Variants in IRAK1BP1 observed in about 807,000 individuals in gnomAD.
IRAK1BP1 encodes the protein interleukin-1 receptor-associated kinase 1-binding protein 1.
A neutral mutation model predicts 28.0 loss-of-function variants in IRAK1BP1; 24 were observed. That is an observed-to-expected ratio of 0.86 (90% CI 0.62 to 1.20). The LOEUF is 1.20. IRAK1BP1 is among the 50% of genes most tolerant of loss of function. The pLI is 0.00. For missense variants in IRAK1BP1, 336 were observed against 316.7 expected (o/e 1.06, Z -0.46); for synonymous variants, 131 against 116.3 (o/e 1.13, Z -0.81).
chr6:78,939,208 T>G (rs1020994333), intron 4 of IRAK1BP1: 1 of 151,784 alleles, frequency 6.6e-6, no homozygotes, highest in South Asian at 2.1e-4. Flanking sequence ...GCAGTACATA[T>G]AGCAATACAT....
chr6:78,874,244 G>C (rs1027122282), intron 1 of IRAK1BP1, among the ~76,000 whole-genome samples: 1 of 152,156 alleles, frequency 6.6e-6, no homozygotes, highest in Non-Finnish European at 1.5e-5. Flanking sequence ...CTTAGATATG[G>C]ATTTCTGTCC....
the IRAK1BP1 span, chr6:78,963,139 A>G: frequency 1.2e-6 from 2 of 1,608,612 alleles, no homozygotes; most frequent in Non-Finnish European, 1.7e-6. Context: ...ATTCTTTCAC[A>G]TTCTTCATCC....
rs778895991 is a variant in IRAK1BP1, at chr6:78,946,094, C to T, written c.*754C>T. 3.7e-6 allele frequency: 6 copies of T among 1,613,588 alleles called. No individual in the cohort carries two copies. In the South Asian group the frequency reaches 4.4e-5, roughly 12 times the overall value. On this transcript the variant is annotated 3_prime_UTR_variant and NMD_transcript_variant, in exon 5 of 5. Transcript: ENST00000606868. ...GGTTGCTCAGTGACAACTGGATCTACAACCACTCGGTTGCTTCTGGTTCGA... is the reference window on the plus strand; with the variant it reads ...GGTTGCTCAGTGACAACTGGATCTATAACCACTCGGTTGCTTCTGGTTCGA...
chr6:78,945,204 G>A (rs2127681476), intron 4 of IRAK1BP1: 1 of 904,234 alleles, frequency 1.1e-6, no homozygotes, highest in East Asian at 2.4e-5. Flanking sequence ...CTTTTAAGTG[G>A]GCAACCTGAA....
chr6:78,970,360 A>G, the IRAK1BP1 span, among the ~76,000 whole-genome samples: 1 of 152,128 alleles, frequency 6.6e-6, no homozygotes. Flanking sequence ...AGTTACAATG[A>G]AATTTTTAAA....
chr6:78,882,035 A>T (rs1443870951), intron 1 of IRAK1BP1, among the ~76,000 whole-genome samples: 1 of 152,160 alleles, frequency 6.6e-6, no homozygotes, highest in Non-Finnish European at 1.5e-5. Flanking sequence ...GCATATATAT[A>T]TGTAACCTAG....
chr6:78,933,256 A>G (rs1773122900), intron 4 of IRAK1BP1, among the ~76,000 whole-genome samples: 1 of 152,228 alleles, frequency 6.6e-6, no homozygotes, highest in African/African-American at 2.4e-5. Flanking sequence ...TAGCTAAATC[A>G]TCTGGATAAC....
At chr6:78,929,392 A>G (rs1772981822) in intron 4 of IRAK1BP1, among the ~76,000 whole-genome samples, 1 of 152,220 alleles carries the variant, frequency 6.6e-6, no homozygotes, top group Non-Finnish European at 1.5e-5. Flanking sequence ...TTGCAGCAAC[A>G]TGGATGCACC....
intron 4 of IRAK1BP1, among the ~76,000 whole-genome samples, chr6:78,932,906 TTTTTA>T (rs1396953121): frequency 3.3e-5 from 5 of 152,278 alleles, no homozygotes; most frequent in African/African-American, 9.6e-5. Flanking sequence ...CTTTTTTATT[TTTTTA>T]TTTTTTTTCT....
At chr6:78,891,116 T>A (rs1771643469) in intron 2 of IRAK1BP1, among the ~76,000 whole-genome samples, 1 of 152,192 alleles carries the variant, frequency 6.6e-6, no homozygotes, top group Non-Finnish European at 1.5e-5. Flanking sequence ...GACCTATTTA[T>A]TTGAATTTTA....
At chr6:78,961,823 G>A in the IRAK1BP1 span, 3 of 1,583,264 alleles carry the variant, frequency 1.9e-6, no homozygotes, top group Non-Finnish European at 2.6e-6. Flanking sequence ...AAAATAAATA[G>A]ATAAGTTTGT....
downstream of IRAK1BP1, among the ~76,000 whole-genome samples, chr6:78,907,948 G>A (rs2127659958): frequency 6.6e-6 from 1 of 151,768 alleles, no homozygotes; most frequent in South Asian, 2.1e-4. Flanking sequence ...TCAAACTCCT[G>A]ACCTCTTGAT....
intron 4 of IRAK1BP1, chr6:78,936,865 A>G (rs1410035588): frequency 6.6e-6 from 1 of 151,816 alleles, no homozygotes; most frequent in Non-Finnish European, 1.5e-5. Flanking sequence ...TAAATGTAAT[A>G]TTAATTTTAG....
intron 1 of IRAK1BP1, among the ~76,000 whole-genome samples, chr6:78,876,135 G>T (rs1770994918): frequency 6.6e-6 from 1 of 152,036 alleles, no homozygotes; most frequent in Non-Finnish European, 1.5e-5. Context: ...GAACTATGGG[G>T]GCAGTTTCCT....
At position 78,885,456 on chromosome 6, in the gene IRAK1BP1, C is replaced by CTT. The variant is rs1292173725; in HGVS notation, c.381+13_381+14insTT. 3.2e-5 allele frequency: 44 copies of CTT among 1,360,120 alleles called. 2 individuals are homozygous for CTT. The highest frequency in any genetic ancestry group is 1.3e-4 in the Admixed American group (6 of 47,230). 84.3% of individuals were successfully genotyped at this position (1,360,120 alleles called of 1,614,324 possible). The stretch of plus-strand genomic sequence containing the variant: ...CATGGAAGCAGAGGTATGTACTTAA[C>CTT]AAATAATTGGAAGCAGCATGATTTT... On this transcript the variant is annotated intron_variant, in intron 2 of 3. Coordinates refer to ENST00000369940, the MANE Select transcript of IRAK1BP1 (RefSeq NM_001010844.4).
chr6:78,949,664 A>C (rs1294869303), downstream of IRAK1BP1, among the ~76,000 whole-genome samples: 1 of 150,444 alleles, frequency 6.6e-6, no homozygotes, highest in African/African-American at 2.4e-5. Context: ...GTAAGCCCCG[A>C]CTTTTCTGGG....
At chr6:78,888,741 C>T (rs1414753317) in intron 2 of IRAK1BP1, among the ~76,000 whole-genome samples, 1 of 152,034 alleles carries the variant, frequency 6.6e-6, no homozygotes, top group East Asian at 1.9e-4. Context: ...CTCCTGACCT[C>T]AAGTGATCTG....
At chr6:78,977,974 C>T in the IRAK1BP1 span, among the ~76,000 whole-genome samples, 2 of 152,004 alleles carry the variant, frequency 1.3e-5, no homozygotes, top group African/African-American at 4.8e-5. Context: ...TGTTGGACAC[C>T]AGATAACACT....
At chr6:78,927,790 T>G (rs1772931934) in intron 4 of IRAK1BP1, among the ~76,000 whole-genome samples, 1 of 152,162 alleles carries the variant, frequency 6.6e-6, no homozygotes, top group Non-Finnish European at 1.5e-5. Flanking sequence ...CTGAAAAGAC[T>G]GTCTTTTCCC....
Sources: gnomAD v4.1 joint callset for allele counts (sites outside exome capture counted in the v4.1 genomes callset) on GRCh38, gnomAD v4.1.1 for gene constraint, MANE v1.5 for transcripts, NCBI Gene and HGNC (gene_info 2026-07-23, HGNC 2026-07-21) for gene names.